The following DOCK1 variants were observed in gnomAD, a reference collection of about 807,000 sequenced individuals.
DOCK1 encodes the protein dedicator of cytokinesis protein 1.
Under a neutral mutation model 262.7 loss-of-function variants are expected in DOCK1, and 138 were observed. The ratio of observed to expected loss-of-function variants is 0.53; its 90% CI spans 0.46 to 0.61. The LOEUF (loss-of-function observed/expected upper bound fraction) is 0.61, where lower values mean the gene tolerates loss of function less well. Among genes scored for constraint, DOCK1 ranks in the 20% least tolerant of loss-of-function variants. The pLI, the probability that DOCK1 is intolerant of heterozygous loss-of-function variation, is 0.00. For missense variants in DOCK1, 1,908 were observed against 2,370.7 expected (o/e 0.80, Z 4.05); for synonymous variants, 866 against 867.4 (o/e 1.00, Z 0.03).
At chr10:127,019,353 A>G (rs1357589645) in intron 13 of DOCK1, among the ~76,000 whole-genome samples, 1 of 152,206 alleles carries the variant, frequency 6.6e-6, no homozygotes, top group Non-Finnish European at 1.5e-5. Flanking sequence ...CATTTTCCAA[A>G]TAACGTTCCT....
intron 29 of DOCK1, among the ~76,000 whole-genome samples, chr10:127,298,910 G>A (rs913304471): frequency 2.6e-5 from 4 of 152,220 alleles, no homozygotes; most frequent in South Asian, 4.2e-4. Flanking sequence ...AAAGTAATTC[G>A]GATGATCTCG....
chr10:127,415,988 G>A (rs1302850891), intron 44 of DOCK1, among the ~76,000 whole-genome samples: 2 of 152,226 alleles, frequency 1.3e-5, no homozygotes, highest in Admixed American at 6.5e-5. Context: ...GGTGGCACTT[G>A]CCATTTAGTT....
intron 23 of DOCK1, among the ~76,000 whole-genome samples, chr10:127,083,193 C>G (rs759748823): frequency 1.3e-5 from 2 of 152,194 alleles, no homozygotes; most frequent in Non-Finnish European, 2.9e-5. Flanking sequence ...AACATTTTGC[C>G]TGGCATGCCA....
In DOCK1 at chr10:127,429,758, G is replaced by C. The variant is rs1281894452; in HGVS notation, c.4915-3525G>C. ...GGGAGCGAGGTGTGCAGGGCCCCAG[G>C]GATGAGCCCGTGAGCACCTGCCACG... On this transcript the variant is annotated intron_variant, in intron 47 of 51. Coordinates refer to ENST00000623213, the MANE Select transcript of DOCK1 (RefSeq NM_001290223.2). 1.3e-5 allele frequency among the ~76,000 whole-genome samples: 2 copies of C among 151,472 alleles called. 1 individual carries two copies. Among genetic ancestry groups the C allele is most frequent in the Non-Finnish European group, 2.9e-5 (2 of 67,834 alleles).
Position 127,032,216 on chromosome 10 carries a change from A to G in DOCK1, c.1808A>G (p.His603Arg), listed in dbSNP as rs781425786. The stretch of plus-strand genomic sequence containing the variant: ...AAGGCAGAGTTGGAAGAAAAGGGCC[A>G]CTCGGCCACCGGCAAGAGCATGCAG... ...STKAELEEKG[H>R]SATGKSMQSL... Residue 603 changes from histidine (H) to arginine (R), a missense_variant, in exon 18 of 52, where the codon CAC (histidine) becomes CGC (arginine). His to Arg is a conservative substitution (Grantham distance 29). Around this residue, in one of 9 missense-constraint regions of DOCK1, gnomAD observed 294 missense variants for 439.9 expected, o/e 0.67. Coordinates refer to ENST00000623213, the MANE Select transcript of DOCK1 (RefSeq NM_001290223.2). The G allele has an allele frequency of 5.0e-6, 8 of 1,600,608 alleles. No individual in the cohort carries two copies. The highest frequency in any genetic ancestry group is 2.3e-5 in the South Asian group (2 of 88,312).
chr10:127,368,208 C>A (rs1341334791), intron 33 of DOCK1, among the ~76,000 whole-genome samples: 2 of 152,242 alleles, frequency 1.3e-5, no homozygotes, highest in African/African-American at 4.8e-5. Context: ...CTCTGTCAAG[C>A]TGACCTAAGG....
chr10:126,966,259 C>A (rs1267635919), intron 1 of DOCK1, among the ~76,000 whole-genome samples: 1 of 152,108 alleles, frequency 6.6e-6, no homozygotes, highest in Non-Finnish European at 1.5e-5. Context: ...TGTATCCCTT[C>A]ATTTGTTGTT....
At chr10:127,381,144 A>G in intron 36 of DOCK1, 134 bp from the exon 37 acceptor site, 1 of 665,032 alleles carries the variant, frequency 1.5e-6, no homozygotes, top group East Asian at 3.2e-5. Flanking sequence ...TTTTTAAGGC[A>G]TTTTGAATTA....
chr10:127,239,477 C>A (rs1294168931), intron 27 of DOCK1, among the ~76,000 whole-genome samples: 2 of 152,098 alleles, frequency 1.3e-5, no homozygotes, highest in Non-Finnish European at 2.9e-5. Flanking sequence ...CTTAATACAT[C>A]ATCCAACCAA....
intron 32 of DOCK1, among the ~76,000 whole-genome samples, chr10:127,361,326 G>A (rs954652905): frequency 2.0e-5 from 3 of 151,990 alleles, no homozygotes; most frequent in Non-Finnish European, 4.4e-5. Context: ...GTGTTAGCCA[G>A]GATGGTCTCG....
At chr10:127,315,080 T>G (rs1366892868) in intron 29 of DOCK1, among the ~76,000 whole-genome samples, 1 of 152,118 alleles carries the variant, frequency 6.6e-6, no homozygotes, top group Non-Finnish European at 1.5e-5. Flanking sequence ...AGGCTCCTCG[T>G]CATAGGGTGG....
intron 48 of DOCK1, among the ~76,000 whole-genome samples, chr10:127,434,160 TTC>T (rs1491157927): frequency 3.3e-5 from 5 of 152,078 alleles, no homozygotes; most frequent in African/African-American, 1.2e-4. Flanking sequence ...TTTTTTTTTT[TTC>T]TTTTCCTCCC....
rs1405100848 is a variant in DOCK1 at position 126,966,570 on chromosome 10, A to T, written c.47-4132A>T. 2.6e-5 allele frequency among the ~76,000 whole-genome samples: 4 copies of T among 151,976 alleles called. No homozygotes were observed. In the East Asian group the frequency reaches 5.8e-4, roughly 22 times the overall value. On this transcript the variant is annotated intron_variant, in intron 1 of 51. Transcript: ENST00000623213. ...CATTTGTTATTTTTTTGTCTTCTTG[A>T]TACTAACTATCCTAACTGGGGTGAG...
Position 126,970,640 on chromosome 10 carries a change from G to T in DOCK1, c.47-62G>T. 3.8e-6 allele frequency: 5 copies of T among 1,327,992 alleles called. No individual in the cohort carries two copies. The South Asian group carries it at 6.2e-5, about 17-fold the overall frequency. The allele number at this position is 1,327,992 out of a possible 1,614,324, so 82.3% of individuals were successfully genotyped here. On this transcript the variant is annotated intron_variant, in intron 1 of 51. Coordinates refer to ENST00000623213, the MANE Select transcript of DOCK1 (RefSeq NM_001290223.2). ...CAACAACATTAAAACAAGCCAACAC[G>T]ACTCAGCATGGTCACTTCTATCTTT...
Position 127,175,547 on chromosome 10 carries a change from C to T in DOCK1, c.2847+47783C>T, listed in dbSNP as rs368886635. 285 of 1,611,290 alleles carry T rather than the reference C, an allele frequency of 1.8e-4. No homozygotes were observed. The highest frequency in any genetic ancestry group is 1.2e-3 in the East Asian group (54 of 44,864). ...TGGCTCTCCTCCGCTCGTCATCTGC[C>T]GGGCAGAGTGACCACTGGCTGGCGG... On this transcript the variant is annotated intron_variant, in intron 27 of 51. Transcript: ENST00000623213. This position sits in a 1 kb window ranked among gnomAD's most constrained non-coding sequence, Gnocchi z 6.3.
intron 23 of DOCK1, among the ~76,000 whole-genome samples, chr10:127,069,535 GTGC>G (rs1564779050): frequency 4.6e-5 from 7 of 152,166 alleles, no homozygotes; most frequent in African/African-American, 1.7e-4. Context: ...GGAGGAGGGG[GTGC>G]ACTGATGGTG....
chr10:127,402,675 C>A (rs376733466), intron 38 of DOCK1: 5 of 523,144 alleles, frequency 9.6e-6, no homozygotes, highest in Non-Finnish European at 1.9e-5. Flanking sequence ...ATAAATGGCA[C>A]CCCACAGCCT....
At chr10:127,257,626 T>G (rs2059873661) in intron 29 of DOCK1, 197 bp downstream of exon 29, 2 of 437,942 alleles carry the variant, frequency 4.6e-6, no homozygotes, top group Non-Finnish European at 8.3e-6. Flanking sequence ...AACACAGGGC[T>G]CTGGCTCTAA....
chr10:127,032,328 C>A lies in DOCK1; in HGVS notation c.1912+8C>A. On this transcript the variant is annotated splice_region_variant and intron_variant, in intron 18 of 51. Transcript: ENST00000623213. Reference sequence around the variant, plus strand: ...CCAAACTGACTCAGAACGGTGCGTTCGAGAGGAGAAACACACTCACCCCAG... The same window carrying A: ...CCAAACTGACTCAGAACGGTGCGTTAGAGAGGAGAAACACACTCACCCCAG... The A allele has an allele frequency of 6.6e-7, 1 of 1,512,910 alleles. No homozygotes were observed. 93.7% of individuals were successfully genotyped at this position (1,512,910 alleles called of 1,614,324 possible). A position where few individuals can be genotyped will look rare whatever the true frequency, so the allele number is the denominator to read the frequency against.
Sources: allele counts gnomAD v4.1 joint callset (sites outside exome capture counted in the v4.1 genomes callset), GRCh38; gene constraint gnomAD v4.1.1; regional missense constraint gnomAD v4.1.1; non-coding constraint Gnocchi (gnomAD v3.1); transcripts MANE v1.5; gene names NCBI Gene and HGNC (gene_info 2026-07-23, HGNC 2026-07-21).